The following ATP8A2 variants were observed in gnomAD, a reference collection of about 807,000 sequenced individuals.
ATP8A2 encodes ATPase phospholipid transporting 8A2.
A neutral mutation model predicts 165.6 loss-of-function variants in ATP8A2; 100 were observed. The observed-to-expected ratio is 0.60, with a 90% CI of 0.51 to 0.71. ATP8A2 has a LOEUF of 0.71. Among genes scored for constraint, ATP8A2 ranks in the 30% least tolerant of loss-of-function variants. The pLI is 0.00. For missense variants in ATP8A2, 1,227 were observed against 1,479.5 expected, an observed-to-expected ratio of 0.83 and a Z score of 2.80; for synonymous variants, 543 against 548.8, an observed-to-expected ratio of 0.99 and a Z score of 0.15.
intron 2 of ATP8A2, among the ~76,000 whole-genome samples, chr13:25,522,698 T>C (rs1412196926): frequency 2.0e-5 from 3 of 152,250 alleles, no homozygotes. Flanking sequence ...TCTGTTAATG[T>C]CATATATCAC....
intron 24 of ATP8A2, among the ~76,000 whole-genome samples, chr13:25,656,971 T>C (rs1376784290): frequency 7.2e-6 from 1 of 138,234 alleles, no homozygotes; most frequent in Non-Finnish European, 1.5e-5. Flanking sequence ...GACAATCGCT[T>C]GAACCCAGGA....
intron 35 of ATP8A2, among the ~76,000 whole-genome samples, chr13:25,987,470 G>A (rs1360778091): frequency 1.3e-5 from 2 of 152,198 alleles, no homozygotes. Flanking sequence ...ACCTGTGAAG[G>A]ACCATTTGGC....
intron 1 of ATP8A2, among the ~76,000 whole-genome samples, chr13:25,448,103 G>T (rs1018138478): frequency 6.6e-6 from 1 of 152,134 alleles, no homozygotes. Flanking sequence ...CCTCATTTAG[G>T]GCCATGGGTC....
At chr13:25,448,063 C>T (rs769521119) in intron 1 of ATP8A2, among the ~76,000 whole-genome samples, 36 of 152,230 alleles carry the variant, frequency 2.4e-4, no homozygotes, top group South Asian at 4.2e-4. Context: ...CAAAAGGTGA[C>T]ATTTGGGCTG....
chr13:25,599,432 G>A (rs560453161), intron 24 of ATP8A2, among the ~76,000 whole-genome samples: 20 of 152,188 alleles, frequency 1.3e-4, no homozygotes, highest in African/African-American at 3.9e-4. Flanking sequence ...TGTGTTGCCT[G>A]TTATCCAGTG....
Position 25,372,328 on chromosome 13 carries a change from G to A in ATP8A2, c.76+40G>A, listed in dbSNP as rs768867622. ...GCGCGGCGAGGGAGGGTGGGCCCGGGGCGGGGGCGGCGCGGGGCGCGCCTG... is the reference window on the plus strand; with the variant it reads ...GCGCGGCGAGGGAGGGTGGGCCCGGAGCGGGGGCGGCGCGGGGCGCGCCTG... On this transcript the variant is annotated intron_variant, in intron 1 of 36. Transcript: ENST00000381655. This position sits in a 1 kb window ranked among gnomAD's most constrained non-coding sequence, Gnocchi z 4.8. 1.4e-6 allele frequency: 2 copies of A among 1,390,606 alleles called. No individual in the cohort carries two copies. The highest frequency in any genetic ancestry group is 1.9e-6 in the Non-Finnish European group (2 of 1,054,124). 86.1% of individuals were successfully genotyped at this position (1,390,606 alleles called of 1,614,324 possible).
intron 25 of ATP8A2, among the ~76,000 whole-genome samples, chr13:25,757,442 A>G (rs1236148536): frequency 6.6e-6 from 1 of 152,082 alleles, no homozygotes; most frequent in East Asian, 1.9e-4. Context: ...AAAGATTACA[A>G]CACCAAAGTT....
chr13:25,676,290 T>C (rs954397256), intron 24 of ATP8A2, among the ~76,000 whole-genome samples: 55 of 152,182 alleles, frequency 3.6e-4, no homozygotes, highest in African/African-American at 1.2e-3. Flanking sequence ...AGCTAGATTC[T>C]TTTTTCCCTC....
At chr13:25,374,922 C>T (rs1397451432) in intron 1 of ATP8A2, among the ~76,000 whole-genome samples, 1 of 152,182 alleles carries the variant, frequency 6.6e-6, no homozygotes, top group Non-Finnish European at 1.5e-5. Flanking sequence ...TTGCAGATCA[C>T]AGTCAGCTTC....
chr13:25,994,095 G>A (rs192148145), intron 35 of ATP8A2, among the ~76,000 whole-genome samples: 17 of 151,978 alleles, frequency 1.1e-4, no homozygotes, highest in Non-Finnish European at 1.8e-4. Flanking sequence ...ATTTTTGAAC[G>A]ATCCCAAATT....
intron 24 of ATP8A2, among the ~76,000 whole-genome samples, chr13:25,619,542 C>T (rs972904317): frequency 6.6e-6 from 1 of 152,066 alleles, no homozygotes; most frequent in African/African-American, 2.4e-5. Flanking sequence ...AAAAAACAGA[C>T]AGTAACCCTA....
At chr13:26,002,886 GTGTGTGTGTA>G (rs1193287398) in intron 35 of ATP8A2, among the ~76,000 whole-genome samples, 5 of 149,004 alleles carry the variant, frequency 3.4e-5, no homozygotes, top group African/African-American at 1.3e-4. Flanking sequence ...GTGTGTGTGT[GTGTGTGTGTA>G]TGTACCACAG....
chr13:25,776,695 G>A (rs1472520392), intron 27 of ATP8A2, among the ~76,000 whole-genome samples: 1 of 152,146 alleles, frequency 6.6e-6, no homozygotes, highest in Admixed American at 6.5e-5. Flanking sequence ...GGTCATGGAC[G>A]ATAGTGTAAA....
intron 24 of ATP8A2, among the ~76,000 whole-genome samples, chr13:25,683,995 TTTTA>T (rs1272016753): frequency 2.0e-5 from 3 of 152,230 alleles, no homozygotes; most frequent in African/African-American, 7.2e-5. Flanking sequence ...TGATTTCTAT[TTTTA>T]TTTGTTTCTC....
chr13:25,927,299 C>A, intron 33 of ATP8A2: 1 of 446,838 alleles, frequency 2.2e-6, no homozygotes, highest in Admixed American at 2.4e-5. Context: ...AAGTCCATGG[C>A]TTCTTCATTT....
intron 2 of ATP8A2, among the ~76,000 whole-genome samples, chr13:25,509,260 G>A (rs2037143745): frequency 6.6e-6 from 1 of 152,132 alleles, no homozygotes; most frequent in Admixed American, 6.5e-5. Context: ...GAAATTTCAT[G>A]GCAATCCCTC....
intron 35 of ATP8A2, among the ~76,000 whole-genome samples, chr13:26,001,247 T>C (rs899023832): frequency 3.3e-5 from 5 of 152,258 alleles, no homozygotes; most frequent in Admixed American, 6.5e-5. Flanking sequence ...AATTCTCCAT[T>C]GTATGCATAG....
intron 25 of ATP8A2, among the ~76,000 whole-genome samples, chr13:25,709,481 C>G (rs1014631366): frequency 1.3e-5 from 2 of 152,058 alleles, no homozygotes; most frequent in Non-Finnish European, 2.9e-5. Flanking sequence ...ACCTTAAGTT[C>G]TTAATTTCTC....
At chr13:25,868,202 C>T (rs1320955505) in intron 33 of ATP8A2, 1 of 441,098 alleles carries the variant, frequency 2.3e-6, no homozygotes, top group Non-Finnish European at 4.6e-6. Flanking sequence ...TTTTATTATA[C>T]TCAAAGTTAC....
Sources: allele counts gnomAD v4.1 joint callset (sites outside exome capture counted in the v4.1 genomes callset), GRCh38; gene constraint gnomAD v4.1.1; non-coding constraint Gnocchi (gnomAD v3.1); transcripts MANE v1.5; gene names NCBI Gene and HGNC (gene_info 2026-07-23, HGNC 2026-07-21).